Variants in SUPT3H observed in about 807,000 individuals in gnomAD.
SUPT3H encodes transcription initiation protein SPT3 homolog.
A neutral mutation model predicts 44.3 loss-of-function variants in SUPT3H; 44 were observed. The observed-to-expected ratio is 0.99, with a 90% confidence interval of 0.78 to 1.28. SUPT3H has a LOEUF of 1.28. SUPT3H is among the 50% of genes most tolerant of loss of function. The pLI is 0.00. For synonymous variants in SUPT3H, 124 were observed against 125.6 expected (o/e 0.99, Z 0.09); for missense variants, 380 against 387.1 (o/e 0.98, Z 0.15).
At chr6:44,848,038 C>A (rs932709480) in intron 10 of SUPT3H, among the ~76,000 whole-genome samples, 2 of 126,430 alleles carry the variant, frequency 1.6e-5, no homozygotes, top group African/African-American at 6.0e-5. Flanking sequence ...ATGATCTTGA[C>A]TCACTGCAAC....
chr6:45,167,260 A>G (rs144470996), intron 2 of SUPT3H, among the ~76,000 whole-genome samples: 5 of 152,312 alleles, frequency 3.3e-5, no homozygotes, highest in Non-Finnish European at 5.9e-5. Context: ...AACAAAGAGG[A>G]AAAGAAGTGA....
chr6:44,976,245 T>C (rs17423748), intron 6 of SUPT3H, among the ~76,000 whole-genome samples: 31,318 of 152,180 alleles, frequency 0.21, 3,925 homozygotes, highest in Non-Finnish European at 0.29. Context: ...AGTATGACTA[T>C]CACGAAGATA....
chr6:44,898,773 C>T (rs975735145), intron 10 of SUPT3H: 1 of 152,302 alleles, frequency 6.6e-6, no homozygotes, highest in Non-Finnish European at 1.5e-5. Flanking sequence ...GCAGCCGGCT[C>T]ACGCCTTTCA....
At chr6:45,151,241 A>G (rs538554096) in intron 2 of SUPT3H, among the ~76,000 whole-genome samples, 20 of 152,264 alleles carry the variant, frequency 1.3e-4, no homozygotes, top group African/African-American at 4.8e-4. Flanking sequence ...AATAAATTTT[A>G]GTACTTATAA....
At chr6:45,004,410 G>A (rs1047420924) in intron 5 of SUPT3H, among the ~76,000 whole-genome samples, 3 of 151,498 alleles carry the variant, frequency 2.0e-5, no homozygotes, top group African/African-American at 4.8e-5. Context: ...ACAACTTAAG[G>A]TTACAGAAGA....
intron 10 of SUPT3H, among the ~76,000 whole-genome samples, chr6:44,838,293 T>G (rs765788652): frequency 6.6e-6 from 1 of 152,196 alleles, no homozygotes; most frequent in Non-Finnish European, 1.5e-5. Flanking sequence ...GTACAGTGGG[T>G]ACAGCAGGAT....
At chr6:45,067,468 C>G (rs1793565591) in intron 3 of SUPT3H, among the ~76,000 whole-genome samples, 1 of 144,952 alleles carries the variant, frequency 6.9e-6, no homozygotes, top group South Asian at 2.2e-4. Context: ...CAACTGGGAT[C>G]TAATTAAACT....
At chr6:45,003,139 G>A (rs1782230222) in intron 6 of SUPT3H, among the ~76,000 whole-genome samples, 2 of 152,052 alleles carry the variant, frequency 1.3e-5, no homozygotes, top group Admixed American at 1.3e-4. Flanking sequence ...GACATATCCA[G>A]GGAATCCAAA....
rs1394945269 is a variant in SUPT3H, at chr6:45,153,205, C to T, written c.102-47199G>A. 3.3e-5 allele frequency among the ~76,000 whole-genome samples: 5 copies of T among 152,308 alleles called. No homozygotes were observed. In the East Asian group the frequency reaches 9.6e-4, roughly 29 times the overall value. On this transcript the variant is annotated intron_variant, in intron 2 of 10. Coordinates refer to ENST00000371459, the MANE Select transcript of SUPT3H (RefSeq NM_003599.4). ...CTTCCTAGGACTTACCACTATCAGACATAATATCATGTATCTGTTTGTTGT... is the reference window on the plus strand; with the variant it reads ...CTTCCTAGGACTTACCACTATCAGATATAATATCATGTATCTGTTTGTTGT...
chr6:44,851,859 T>C (rs777442202), intron 10 of SUPT3H, among the ~76,000 whole-genome samples: 2 of 152,230 alleles, frequency 1.3e-5, no homozygotes, highest in Non-Finnish European at 2.9e-5. Context: ...AAACTCCTAC[T>C]GAACACTGTT....
intron 2 of SUPT3H, among the ~76,000 whole-genome samples, chr6:45,150,721 T>G (rs1806798163): frequency 2.3e-4 from 2 of 8,562 alleles, no homozygotes; most frequent in Non-Finnish European, 2.9e-4. Context: ...TTATTCTGCG[T>G]TTTTTTTTTT....
chr6:44,961,793 A>G lies in SUPT3H; in HGVS notation c.540T>C (p.Ala180=), dbSNP rs745312281. The change falls in exon 7 of 11, where the codon GCT becomes GCC. Residue 180 remains alanine (A), a synonymous_variant. Coordinates refer to ENST00000371459, the MANE Select transcript of SUPT3H (RefSeq NM_003599.4). ...AERQTRIMDS[A]QYAEFCESRQ... ...GACTTTCACAGAATTCTGCATATTG[A>G]GCTGAATCCATAATTCGAGTTTGTC... 10 of 1,605,446 alleles carry G rather than the reference A, an allele frequency of 6.2e-6. No homozygotes were observed. In the Middle Eastern group the frequency reaches 9.9e-4, roughly 159 times the overall value.
At chr6:45,149,352 T>C (rs180798663) in intron 2 of SUPT3H, among the ~76,000 whole-genome samples, 9 of 152,286 alleles carry the variant, frequency 5.9e-5, no homozygotes, top group African/African-American at 2.2e-4. Flanking sequence ...TAAGGTTTAA[T>C]AATTTAGGTT....
At chr6:45,089,632 T>C (rs1308041390) in intron 3 of SUPT3H, among the ~76,000 whole-genome samples, 1 of 151,988 alleles carries the variant, frequency 6.6e-6, no homozygotes, top group African/African-American at 2.4e-5. Flanking sequence ...TTATTTAACC[T>C]TCCTGGCCCT....
At chr6:45,217,518 G>A (rs1295188180) in intron 2 of SUPT3H, among the ~76,000 whole-genome samples, 2 of 151,776 alleles carry the variant, frequency 1.3e-5, no homozygotes, top group Non-Finnish European at 2.9e-5. Flanking sequence ...GATGACATCA[G>A]TAGACTAGAA....
intron 10 of SUPT3H, among the ~76,000 whole-genome samples, chr6:44,882,929 A>C (rs2153435730): frequency 6.6e-6 from 1 of 152,354 alleles, no homozygotes; most frequent in South Asian, 2.1e-4. Context: ...AGCCAATATC[A>C]TACTGAATAG....
At position 45,176,340 on chromosome 6, in the gene SUPT3H, C is replaced by G. The variant is rs200241361; in HGVS notation, c.102-70334G>C. 1.8e-3 allele frequency among the ~76,000 whole-genome samples: 273 copies of G among 152,024 alleles called. 8 individuals are homozygous for G. The East Asian group carries it at 0.044, about 25-fold the overall frequency. On this transcript the variant is annotated intron_variant, in intron 2 of 10. Transcript: ENST00000371459. ...GACGCACCTGGAAAATCGGGTCACTCCCACCCGAATATTGCGCTTTTCAGA... is the reference window on the plus strand; with the variant it reads ...GACGCACCTGGAAAATCGGGTCACTGCCACCCGAATATTGCGCTTTTCAGA...
rs939040885 is a variant in SUPT3H at position 45,065,688 on chromosome 6, G to A, written c.186+40234C>T. Among the ~76,000 whole-genome samples, 1,345 of 150,910 alleles carry A rather than the reference G, an allele frequency of 8.9e-3. 15 individuals carry two copies. Among genetic ancestry groups the A allele is most frequent in the South Asian group, 0.028 (134 of 4,768 alleles). Reference sequence around the variant, plus strand: ...CAGATAATACTACAAACACCTCTACGCAAATAAACTAGAAAATCTAGAAGA... The same window carrying A: ...CAGATAATACTACAAACACCTCTACACAAATAAACTAGAAAATCTAGAAGA... On this transcript the variant is annotated intron_variant, in intron 3 of 10. Transcript: ENST00000371459.
At chr6:45,141,957 T>A (rs1463296793) in intron 2 of SUPT3H, among the ~76,000 whole-genome samples, 3 of 152,036 alleles carry the variant, frequency 2.0e-5, no homozygotes, top group Non-Finnish European at 4.4e-5. Flanking sequence ...TTATCTAAAG[T>A]CAAGACAAAG....
Sources: gnomAD v4.1 joint callset for allele counts (sites outside exome capture counted in the v4.1 genomes callset) on GRCh38, gnomAD v4.1.1 for gene constraint, MANE v1.5 for transcripts, NCBI Gene and HGNC (gene_info 2026-07-23, HGNC 2026-07-21) for gene names.